Variants in EDIL3 observed in about 807,000 individuals in gnomAD.
The protein encoded by EDIL3 is EGF like and discoidin domains 3.
EDIL3 carries 37 observed loss-of-function variants against 67.4 expected under a neutral mutation model. The ratio of observed to expected loss-of-function variants is 0.55; its 90% CI spans 0.42 to 0.72. The LOEUF is 0.72. Ranked by LOEUF, EDIL3 falls within the 30% of genes least tolerant of loss-of-function variation. The probability of loss-of-function intolerance (pLI) is 0.00; values close to 1 mark genes in which losing one functional copy is unlikely to be tolerated. For synonymous variants in EDIL3, 195 were observed against 196.3 expected (o/e 0.99, Z 0.05); for missense variants, 527 against 586.3 (o/e 0.90, Z 1.04).
chr5:84,235,221 CT>C (rs1354052192), intron 2 of EDIL3, among the ~76,000 whole-genome samples: 1 of 152,102 alleles, frequency 6.6e-6, no homozygotes, highest in Non-Finnish European at 1.5e-5. Flanking sequence ...AACTTCTTCC[CT>C]GTGAAAAGTA....
intron 9 of EDIL3, among the ~76,000 whole-genome samples, chr5:84,041,107 G>T (rs1382944088): frequency 1.3e-5 from 2 of 151,182 alleles, no homozygotes; most frequent in Non-Finnish European, 2.9e-5. Flanking sequence ...CTCCAGCCTG[G>T]GAGACAGAGC....
At chr5:84,007,976 T>A (rs75350766) in intron 9 of EDIL3, among the ~76,000 whole-genome samples, 12,539 of 152,162 alleles carry the variant, frequency 0.082, 1,147 homozygotes, top group African/African-American at 0.23. Flanking sequence ...GTCATTTGCA[T>A]TAGCATGGAT....
At chr5:84,228,447 A>T (rs1369699815) in intron 3 of EDIL3, among the ~76,000 whole-genome samples, 1 of 152,162 alleles carries the variant, frequency 6.6e-6, no homozygotes, top group African/African-American at 2.4e-5. Context: ...GGAAACTCAC[A>T]AACAGATGAG....
At chr5:84,285,096 C>T (rs903204239) in intron 1 of EDIL3, among the ~76,000 whole-genome samples, 3 of 152,062 alleles carry the variant, frequency 2.0e-5, no homozygotes, top group Admixed American at 6.6e-5. Flanking sequence ...ATATTTGAAC[C>T]ATATACGTAA....
chr5:84,142,604 T>C (rs1370547519), intron 4 of EDIL3, among the ~76,000 whole-genome samples: 1 of 152,048 alleles, frequency 6.6e-6, no homozygotes, highest in African/African-American at 2.4e-5. Flanking sequence ...TTTTGAATAC[T>C]GACCACCATT....
intron 1 of EDIL3, among the ~76,000 whole-genome samples, chr5:84,296,103 C>T (rs796411660): frequency 6.6e-6 from 1 of 152,160 alleles, no homozygotes; most frequent in Non-Finnish European, 1.5e-5. Context: ...AACTTTGTAT[C>T]TGACACATAG....
chr5:84,075,865 T>A (rs1746843740), intron 6 of EDIL3, among the ~76,000 whole-genome samples: 1 of 143,344 alleles, frequency 7.0e-6, no homozygotes, highest in Non-Finnish European at 1.5e-5. Context: ...AGCCCCAAAG[T>A]ACAAACACGT....
chr5:84,368,587 G>A (rs1451658246), intron 1 of EDIL3, among the ~76,000 whole-genome samples: 1 of 152,044 alleles, frequency 6.6e-6, no homozygotes, highest in African/African-American at 2.4e-5. Context: ...TCTTTGATAT[G>A]ACACGAAAGG....
chr5:83,964,745 T>C (rs1265032423), intron 9 of EDIL3, among the ~76,000 whole-genome samples: 1 of 152,098 alleles, frequency 6.6e-6, no homozygotes, highest in Non-Finnish European at 1.5e-5. Context: ...AGTTGCGTGA[T>C]GGATTAGGAC....
chr5:84,088,325 T>TA (rs201542847), intron 6 of EDIL3, among the ~76,000 whole-genome samples: 30 of 152,016 alleles, frequency 2.0e-4, no homozygotes, highest in Non-Finnish European at 3.7e-4. Flanking sequence ...TGCATGCTCT[T>TA]AAAAAAAAGA....
At chr5:84,146,406 C>G (rs1399388699) in intron 4 of EDIL3, among the ~76,000 whole-genome samples, 2 of 152,076 alleles carry the variant, frequency 1.3e-5, no homozygotes, top group Non-Finnish European at 2.9e-5. Context: ...TATTAGTACT[C>G]CCACTTCATC....
intron 1 of EDIL3, among the ~76,000 whole-genome samples, chr5:84,333,447 T>C (rs994244606): frequency 6.6e-6 from 1 of 152,096 alleles, no homozygotes; most frequent in Admixed American, 6.6e-5. Context: ...TTAGTCCTGG[T>C]TTTCTGAACA....
At chr5:84,021,003 G>T (rs549927108) in intron 9 of EDIL3, among the ~76,000 whole-genome samples, 2 of 152,042 alleles carry the variant, frequency 1.3e-5, no homozygotes, top group African/African-American at 4.8e-5. Flanking sequence ...CTTTTAAAAA[G>T]AATTCAAAGT....
chr5:84,338,331 G>C (rs896839016), intron 1 of EDIL3, among the ~76,000 whole-genome samples: 3 of 152,112 alleles, frequency 2.0e-5, no homozygotes, highest in African/African-American at 4.8e-5. Flanking sequence ...GCGCTTATGC[G>C]ACTTGGTGGA....
chr5:84,035,119 A>G (rs972748568), intron 9 of EDIL3, among the ~76,000 whole-genome samples: 1 of 152,170 alleles, frequency 6.6e-6, no homozygotes, highest in African/African-American at 2.4e-5. Context: ...ATTCCACATC[A>G]GAATTCTCAC....
At chr5:84,207,300 C>T (rs1470033305) in intron 3 of EDIL3, among the ~76,000 whole-genome samples, 3 of 152,132 alleles carry the variant, frequency 2.0e-5, no homozygotes, top group Non-Finnish European at 4.4e-5. Flanking sequence ...TTCACAATTA[C>T]TTCAAAGAGA....
chr5:83,975,637 C>T (rs1351084953), intron 9 of EDIL3, among the ~76,000 whole-genome samples: 1 of 151,826 alleles, frequency 6.6e-6, no homozygotes. Flanking sequence ...TGAAAAAAAT[C>T]AGATGTGACA....
chr5:84,067,819 CAT>C (rs1746670741), intron 6 of EDIL3, among the ~76,000 whole-genome samples: 1 of 152,134 alleles, frequency 6.6e-6, no homozygotes, highest in African/African-American at 2.4e-5. Context: ...CAGTCTTGTT[CAT>C]ATATAAAGAA....
chr5:83,965,663 G>T (rs1481837447), intron 9 of EDIL3, among the ~76,000 whole-genome samples: 1 of 151,960 alleles, frequency 6.6e-6, no homozygotes, highest in African/African-American at 2.4e-5. Context: ...AAGTCAGCTG[G>T]GTTTCCTGCT....
Sources: gnomAD v4.1 joint callset for allele counts (sites outside exome capture counted in the v4.1 genomes callset) on GRCh38, gnomAD v4.1.1 for gene constraint, MANE v1.5 for transcripts, NCBI Gene and HGNC (gene_info 2026-07-23, HGNC 2026-07-21) for gene names.